COMMD10: variants seen among roughly 807,000 people sequenced by gnomAD.
The protein encoded by COMMD10 is COMM domain containing 10, also known as COMM domain-containing protein 10.
COMMD10 carries 33 observed loss-of-function variants against 28.9 expected under a neutral mutation model. That is an observed-to-expected ratio of 1.14 (90% CI 0.87 to 1.53). COMMD10 has a LOEUF of 1.53. Ranked by LOEUF, COMMD10 falls within the 40% of genes most tolerant of loss-of-function variation. The pLI is 0.00. For synonymous variants in COMMD10, 110 were observed against 81.7 expected (o/e 1.35, Z -1.87); for missense variants, 310 against 233.4 (o/e 1.33, Z -2.14).
rs35913184 is a variant in COMMD10 at position 116,192,262 on chromosome 5, A to ACC, written c.510+58094_510+58095dup. On this transcript the variant is annotated intron_variant, in intron 5 of 6. Coordinates refer to ENST00000274458, the MANE Select transcript of COMMD10 (RefSeq NM_016144.4). ...TATGACAAAAGAAGGCTCTTTAACAACCCCCCCCCCCAAAAATAACACTAG... is the reference window on the plus strand; with the variant it reads ...TATGACAAAAGAAGGCTCTTTAACAACCCCCCCCCCCCCAAAAATAACACTAG... 1.2e-3 allele frequency among the ~76,000 whole-genome samples: 178 copies of ACC among 143,140 alleles called. 1 individual carries two copies. Among genetic ancestry groups the ACC allele is most frequent in the African/African-American group, 3.6e-3 (142 of 39,666 alleles). The allele number at this position is 143,140 out of a possible 152,430, so 93.9% of individuals were successfully genotyped here.
At chr5:116,143,835 A>G (rs1324526343) in intron 5 of COMMD10, among the ~76,000 whole-genome samples, 2 of 151,888 alleles carry the variant, frequency 1.3e-5, no homozygotes, top group African/African-American at 2.4e-5. Flanking sequence ...TAGGCAAGGT[A>G]TTCGTGATAT....
At chr5:116,116,184 C>G (rs1751227793) in intron 4 of COMMD10, among the ~76,000 whole-genome samples, 1 of 151,870 alleles carries the variant, frequency 6.6e-6, no homozygotes, top group South Asian at 2.1e-4. Flanking sequence ...AAAAAAATCC[C>G]CTTTAAGCCA....
At chr5:116,230,074 G>T (rs1749491597) in intron 5 of COMMD10, among the ~76,000 whole-genome samples, 1 of 151,730 alleles carries the variant, frequency 6.6e-6, no homozygotes, top group South Asian at 2.1e-4. Context: ...ATATCATAAA[G>T]GTTCATTCTG....
intron 5 of COMMD10, among the ~76,000 whole-genome samples, chr5:116,185,952 C>A (rs991606906): frequency 6.6e-6 from 1 of 152,078 alleles, no homozygotes; most frequent in Non-Finnish European, 1.5e-5. Flanking sequence ...TGAATGTTAC[C>A]TGACTTTACT....
intron 5 of COMMD10, among the ~76,000 whole-genome samples, chr5:116,240,004 T>C (rs1749772412): frequency 6.6e-6 from 1 of 152,248 alleles, no homozygotes; most frequent in African/African-American, 2.4e-5. Context: ...AGTTGAGGTG[T>C]CATAAGATAA....
At chr5:116,170,983 A>G (rs1289559035) in intron 5 of COMMD10, among the ~76,000 whole-genome samples, 1 of 152,194 alleles carries the variant, frequency 6.6e-6, no homozygotes, top group Non-Finnish European at 1.5e-5. Flanking sequence ...AAAATTGACA[A>G]ATGGGATCTA....
chr5:116,278,663 G>A lies in COMMD10; in HGVS notation c.511-12854G>A, dbSNP rs149445382. ...TTATACGATTTTTATACTGAATAAA[G>A]GTTTCTGGTCAAAGACAGTTTGTTA... On this transcript the variant is annotated intron_variant, in intron 5 of 6. Coordinates refer to ENST00000274458, the MANE Select transcript of COMMD10 (RefSeq NM_016144.4). Among the ~76,000 whole-genome samples, 10 of 151,824 alleles carry A rather than the reference G, an allele frequency of 6.6e-5. No homozygotes were observed. In the East Asian group the frequency reaches 1.9e-3, roughly 29 times the overall value.
chr5:116,128,735 A>T (rs1224556292), intron 4 of COMMD10, among the ~76,000 whole-genome samples: 1 of 152,042 alleles, frequency 6.6e-6, no homozygotes, highest in African/African-American at 2.4e-5. Context: ...TAAACAATGT[A>T]AGGAATTATT....
At chr5:116,183,254 G>A (rs1429377928) in intron 5 of COMMD10, among the ~76,000 whole-genome samples, 1 of 152,054 alleles carries the variant, frequency 6.6e-6, no homozygotes, top group African/African-American at 2.4e-5. Flanking sequence ...AATATTTATA[G>A]GGGAGACTAA....
chr5:116,281,849 T>A (rs1282116943), intron 5 of COMMD10, among the ~76,000 whole-genome samples: 1 of 151,904 alleles, frequency 6.6e-6, no homozygotes, highest in East Asian at 1.9e-4. Context: ...CTGCATACCC[T>A]GGATATTGGA....
chr5:116,269,196 A>G (rs1271385302), intron 5 of COMMD10, among the ~76,000 whole-genome samples: 2 of 151,874 alleles, frequency 1.3e-5, no homozygotes, highest in Non-Finnish European at 1.5e-5. Context: ...AACTGACACA[A>G]ACAAAACCTG....
At chr5:116,236,371 G>T (rs1359324594) in intron 5 of COMMD10, among the ~76,000 whole-genome samples, 1 of 151,898 alleles carries the variant, frequency 6.6e-6, no homozygotes, top group Admixed American at 6.6e-5. Context: ...GGTCATGGTG[G>T]CAGGCACCTG....
intron 5 of COMMD10, among the ~76,000 whole-genome samples, chr5:116,190,245 A>G (rs1489524394): frequency 2.0e-5 from 3 of 152,154 alleles, no homozygotes; most frequent in Non-Finnish European, 2.9e-5. Flanking sequence ...AGGCCTATAT[A>G]TATATATCTA....
At chr5:116,272,726 T>G (rs568561300) in intron 5 of COMMD10, among the ~76,000 whole-genome samples, 1 of 151,918 alleles carries the variant, frequency 6.6e-6, no homozygotes, top group African/African-American at 2.4e-5. Context: ...TGTTCTTGTC[T>G]GCAGTTGATC....
chr5:116,233,463 C>T lies in COMMD10; in HGVS notation c.511-58054C>T, dbSNP rs1453205467. Among the ~76,000 whole-genome samples, 2 of 152,068 alleles carry T rather than the reference C, an allele frequency of 1.3e-5. 1 individual carries two copies. The highest frequency in any genetic ancestry group is 2.9e-5 in the Non-Finnish European group (2 of 68,020). Reference sequence around the variant, plus strand: ...ACTATACATAACAGTTTATGAAAGTCCTTGACCCTTGTGAAGTCTGTATTC... The same window carrying T: ...ACTATACATAACAGTTTATGAAAGTTCTTGACCCTTGTGAAGTCTGTATTC... On this transcript the variant is annotated intron_variant, in intron 5 of 6. Transcript: ENST00000274458.
At chr5:116,223,190 T>C (rs1370670853) in intron 5 of COMMD10, among the ~76,000 whole-genome samples, 1 of 152,126 alleles carries the variant, frequency 6.6e-6, no homozygotes, top group Non-Finnish European at 1.5e-5. Flanking sequence ...ATATTTTCTA[T>C]ATTGGATTTT....
intron 5 of COMMD10, chr5:116,218,200 A>G (rs1234809807): frequency 2.6e-6 from 2 of 777,204 alleles, no homozygotes; most frequent in Non-Finnish European, 4.7e-6. Flanking sequence ...TTGGAGAAGC[A>G]GGTTTAGCGG....
At chr5:116,126,125 A>G (rs1292151784) in intron 4 of COMMD10, among the ~76,000 whole-genome samples, 1 of 151,814 alleles carries the variant, frequency 6.6e-6, no homozygotes, top group Admixed American at 6.6e-5. Context: ...GCATTCCTAT[A>G]CGCCAATAAC....
intron 4 of COMMD10, among the ~76,000 whole-genome samples, chr5:116,110,869 TACCAAGAGGGG>T (rs758145446): frequency 0.023 from 3,535 of 152,228 alleles, 53 homozygotes; most frequent in Non-Finnish European, 0.033. Context: ...GTGAGGACAA[TACCAAGAGGGG>T]TGGTGCTAAA....
Sources: gnomAD v4.1 joint callset for allele counts (sites outside exome capture counted in the v4.1 genomes callset) on GRCh38, gnomAD v4.1.1 for gene constraint, MANE v1.5 for transcripts, NCBI Gene and HGNC (gene_info 2026-07-23, HGNC 2026-07-21) for gene names.